The following UBE2D2 variants were observed in gnomAD, a reference collection of about 807,000 sequenced individuals.
The protein encoded by UBE2D2 is ubiquitin-conjugating enzyme E2 D2.
UBE2D2 carries 2 observed loss-of-function variants against 24.2 expected under a neutral mutation model. That is an observed-to-expected ratio of 0.08 (90% CI 0.03 to 0.26). UBE2D2 has a LOEUF of 0.26. UBE2D2 is among the 10% of genes least tolerant of loss of function. UBE2D2 has a pLI of 1.00. For missense variants in UBE2D2, 44 were observed against 177.6 expected, an observed-to-expected ratio of 0.25 and a Z score of 4.28; for synonymous variants, 58 against 56.5, an observed-to-expected ratio of 1.03 and a Z score of -0.12.
chr5:139,560,339 A>G (rs1026296451), upstream of UBE2D2, among the ~76,000 whole-genome samples: 1 of 151,982 alleles, frequency 6.6e-6, no homozygotes, highest in Non-Finnish European at 1.5e-5. Context: ...CTGGGACTAC[A>G]GGCGCCTGCC....
chr5:139,566,459 A>G (rs902675319), intron 1 of UBE2D2, among the ~76,000 whole-genome samples: 17 of 152,106 alleles, frequency 1.1e-4, no homozygotes, highest in African/African-American at 4.1e-4. Context: ...AGATCGCTTG[A>G]GCTCAGGAGT....
chr5:139,573,098 G>A (rs1302151388), intron 1 of UBE2D2, among the ~76,000 whole-genome samples: 1 of 151,908 alleles, frequency 6.6e-6, no homozygotes. Context: ...TCAGGAGATC[G>A]AGACCATCCT....
intron 2 of UBE2D2, among the ~76,000 whole-genome samples, chr5:139,610,554 T>TA (rs200375356): frequency 6.8e-5 from 10 of 146,048 alleles, no homozygotes; most frequent in Admixed American, 3.5e-4. Context: ...AAAAAATATA[T>TA]TTTTTTTTTT....
intron 1 of UBE2D2, among the ~76,000 whole-genome samples, chr5:139,549,362 A>T (rs953259582): frequency 3.9e-5 from 6 of 152,150 alleles, no homozygotes; most frequent in African/African-American, 1.4e-4. Context: ...CCAGGCAGGA[A>T]CTGGGGCTGC....
At chr5:139,575,377 A>G (rs961435400) in intron 1 of UBE2D2, among the ~76,000 whole-genome samples, 3 of 152,170 alleles carry the variant, frequency 2.0e-5, no homozygotes, top group African/African-American at 4.8e-5. Context: ...TATAATCTCA[A>G]AATCTTAGGT....
chr5:139,535,345 A>G (rs1207145390), intron 1 of UBE2D2, among the ~76,000 whole-genome samples: 2 of 151,384 alleles, frequency 1.3e-5, no homozygotes, highest in African/African-American at 2.4e-5. Context: ...AGTCCCAGCT[A>G]CATGGGAGGC....
chr5:139,559,485 C>T (rs1753027137), upstream of UBE2D2, among the ~76,000 whole-genome samples: 1 of 151,856 alleles, frequency 6.6e-6, no homozygotes, highest in South Asian at 2.1e-4. Flanking sequence ...CATCACATTT[C>T]TTAGGAAGAA....
chr5:139,612,608 T>G (rs1754347362), intron 2 of UBE2D2, among the ~76,000 whole-genome samples: 1 of 152,258 alleles, frequency 6.6e-6, no homozygotes, highest in African/African-American at 2.4e-5. Context: ...AAGAATTAAG[T>G]AGAAGAACAG....
At chr5:139,563,079 G>A (rs1753144615) in intron 1 of UBE2D2, among the ~76,000 whole-genome samples, 1 of 152,046 alleles carries the variant, frequency 6.6e-6, no homozygotes, top group Non-Finnish European at 1.5e-5. Flanking sequence ...CACTGCACAC[G>A]GCCTATACCT....
At chr5:139,577,184 C>G (rs946081016) in intron 1 of UBE2D2, among the ~76,000 whole-genome samples, 1 of 151,936 alleles carries the variant, frequency 6.6e-6, no homozygotes, top group Non-Finnish European at 1.5e-5. Context: ...AGAAACTTAA[C>G]CACCTGTGCT....
chr5:139,609,718 C>T, intron 2 of UBE2D2, among the ~76,000 whole-genome samples: 1 of 147,688 alleles, frequency 6.8e-6, no homozygotes, highest in African/African-American at 2.5e-5. Flanking sequence ...TTATTAAGTG[C>T]TTTCTTTCTT....
intron 1 of UBE2D2, among the ~76,000 whole-genome samples, chr5:139,567,565 G>T (rs190481907): frequency 1.7e-5 from 2 of 118,918 alleles, no homozygotes; most frequent in African/African-American, 3.5e-5. Context: ...ATAGAGTCTC[G>T]CTCTGTTGCC....
intron 1 of UBE2D2, chr5:139,562,475 T>G: frequency 7.9e-7 from 1 of 1,265,160 alleles, no homozygotes; most frequent in Non-Finnish European, 1.0e-6. Context: ...CTGTATGTAG[T>G]TAGAAACTAA....
chr5:139,563,915 A>G (rs1753163273), intron 1 of UBE2D2, among the ~76,000 whole-genome samples: 1 of 152,044 alleles, frequency 6.6e-6, no homozygotes, highest in Non-Finnish European at 1.5e-5. Context: ...AGCCTGGGCC[A>G]CAGGCGAGAC....
rs377638774 is a variant in UBE2D2 at position 139,561,665 on chromosome 5, T to G, written c.-127T>G. 1 of 671,800 alleles carries G rather than the reference T, an allele frequency of 1.5e-6. No homozygotes were observed. The allele number at this position is 671,800 out of a possible 1,614,324, so 41.6% of individuals were successfully genotyped here. On this transcript the variant is annotated 5_prime_UTR_variant, in exon 1 of 7. Transcript: ENST00000398733. The stretch of plus-strand genomic sequence containing the variant: ...CTCAGCCCGTCCCGCCGGACCCGCT[T>G]TCCTCAACTCTCCATCTTCTCCTGC...
chr5:139,579,710 T>A (rs1017969695), intron 1 of UBE2D2, among the ~76,000 whole-genome samples: 3 of 152,130 alleles, frequency 2.0e-5, no homozygotes, highest in Non-Finnish European at 2.9e-5. Context: ...TGCAAAAAGC[T>A]GGAAGTCAGG....
At chr5:139,601,929 A>T (rs1414226382) in intron 2 of UBE2D2, among the ~76,000 whole-genome samples, 2 of 152,118 alleles carry the variant, frequency 1.3e-5, no homozygotes, top group African/African-American at 4.8e-5. Flanking sequence ...AAAAAGAAAA[A>T]AAAATTTGTA....
In UBE2D2 at chr5:139,546,823, TTCCTTCCTTC is replaced by T. The variant is rs1561498196; in HGVS notation, c.-64+20212_-64+20221del. Among the ~76,000 whole-genome samples, 65 of 14,140 alleles carry T rather than the reference TTCCTTCCTTC, an allele frequency of 4.6e-3. No individual in the cohort carries two copies. In the South Asian group the frequency reaches 0.094, roughly 20 times the overall value. The allele number at this position is 14,140 out of a possible 152,430, so 9.3% of individuals were successfully genotyped here. A position where few individuals can be genotyped will look rare whatever the true frequency, so the allele number is the denominator to read the frequency against. On this transcript the variant is annotated intron_variant, in intron 1 of 6. Coordinates refer to the UBE2D2 transcript ENST00000511725. ...TCTTTCTTTCTTCTTTCTTTCTTCCTTCCTTCCTTCCTTCCTTCCTTCCTTCCTTCCTTCC... is the reference window on the plus strand; with the variant it reads ...TCTTTCTTTCTTCTTTCTTTCTTCCTCTTCCTTCCTTCCTTCCTTCCTTCC...
intron 1 of UBE2D2, among the ~76,000 whole-genome samples, chr5:139,583,857 A>G (rs1436467181): frequency 6.6e-6 from 1 of 152,254 alleles, no homozygotes; most frequent in African/African-American, 2.4e-5. Context: ...ATGCCACATA[A>G]TGACATTTTG....
Sources: allele counts gnomAD v4.1 joint callset (sites outside exome capture counted in the v4.1 genomes callset), GRCh38; gene constraint gnomAD v4.1.1; transcripts MANE v1.5; gene names NCBI Gene and HGNC (gene_info 2026-07-23, HGNC 2026-07-21).